PIK3C2G: variants seen among roughly 807,000 people sequenced by gnomAD.
The protein encoded by PIK3C2G is phosphatidylinositol-4-phosphate 3-kinase catalytic subunit type 2 gamma, also known as phosphatidylinositol 3-kinase C2 domain-containing subunit gamma.
Under a neutral mutation model 181.1 loss-of-function variants are expected in PIK3C2G, and 168 were observed. The observed-to-expected ratio is 0.93, with a 90% CI of 0.82 to 1.05. The LOEUF is 1.05. Ranked by LOEUF, PIK3C2G falls within the 50% of genes least tolerant of loss-of-function variation. The pLI, the probability that PIK3C2G is intolerant of heterozygous loss-of-function variation, is 0.00. For missense variants in PIK3C2G, 1,869 were observed against 1,732.8 expected, an observed-to-expected ratio of 1.08 and a Z score of -1.40; for synonymous variants, 573 against 592.2, an observed-to-expected ratio of 0.97 and a Z score of 0.47.
intron 18 of PIK3C2G, among the ~76,000 whole-genome samples, chr12:18,442,553 A>C (rs1394988950): frequency 1.3e-5 from 2 of 152,190 alleles, no homozygotes; most frequent in African/African-American, 2.4e-5. Flanking sequence ...TATTTTGAGG[A>C]GATGACAGAT....
At position 18,548,778 on chromosome 12, in the gene PIK3C2G, T is replaced by C. The variant is rs79699482; in HGVS notation, c.3590+2346T>C. On this transcript the variant is annotated intron_variant, in intron 26 of 32. Transcript: ENST00000538779. ...ATTGAAGCCTTAAAAGGCATCAAAT[T>C]ATGGAAACTAGGACACATCATTTCT... is the stretch of plus-strand genomic sequence containing the variant. Among the ~76,000 whole-genome samples, 892 of 152,160 alleles carry C rather than the reference T, an allele frequency of 5.9e-3. 2 individuals carry two copies. Among genetic ancestry groups the C allele is most frequent in the Middle Eastern group, 0.01 (3 of 294 alleles).
At chr12:18,670,249 A>C in the PIK3C2G span, among the ~76,000 whole-genome samples, 1 of 152,134 alleles carries the variant, frequency 6.6e-6, no homozygotes, top group Admixed American at 6.6e-5. Flanking sequence ...TTGTTTTATC[A>C]GATTGCTACA....
intron 26 of PIK3C2G, among the ~76,000 whole-genome samples, chr12:18,555,943 A>C (rs753249140): frequency 6.6e-6 from 1 of 152,142 alleles, no homozygotes; most frequent in Non-Finnish European, 1.5e-5. Flanking sequence ...TATTGCTGAA[A>C]TAATTGGACT....
At chr12:18,717,429 T>C in the PIK3C2G span, among the ~76,000 whole-genome samples, 1 of 152,174 alleles carries the variant, frequency 6.6e-6, no homozygotes, top group South Asian at 2.1e-4. Flanking sequence ...TTAGAAGATA[T>C]CTTTTCTATT....
At chr12:18,414,456 T>A (rs1468742940) in intron 16 of PIK3C2G, among the ~76,000 whole-genome samples, 2 of 152,144 alleles carry the variant, frequency 1.3e-5, no homozygotes, top group African/African-American at 4.8e-5. Flanking sequence ...CATATACATA[T>A]TTTAAAAATG....
chr12:18,251,372 T>G (rs1948093768), intron 1 of PIK3C2G, among the ~76,000 whole-genome samples: 1 of 152,040 alleles, frequency 6.6e-6, no homozygotes, highest in African/African-American at 2.4e-5. Flanking sequence ...AGCTTTTTTT[T>G]GTCTATTTGA....
chr12:18,569,065 C>T (rs1592607497), intron 29 of PIK3C2G, among the ~76,000 whole-genome samples: 1 of 151,992 alleles, frequency 6.6e-6, no homozygotes, highest in East Asian at 1.9e-4. Context: ...ACCTCTTGAT[C>T]CCAAGAGGGC....
intron 1 of PIK3C2G, among the ~76,000 whole-genome samples, chr12:18,252,194 G>A (rs1374537043): frequency 1.3e-5 from 2 of 152,004 alleles, no homozygotes; most frequent in African/African-American, 2.4e-5. Flanking sequence ...GGATATAACC[G>A]AAACTATAGA....
chr12:18,450,280 C>T (rs1029095761), intron 18 of PIK3C2G, among the ~76,000 whole-genome samples: 1 of 152,190 alleles, frequency 6.6e-6, no homozygotes, highest in Admixed American at 6.5e-5. Context: ...GCATGTGCCA[C>T]CACGCCTGGC....
At chr12:18,529,950 C>G (rs1031822765) in intron 24 of PIK3C2G, among the ~76,000 whole-genome samples, 1 of 152,170 alleles carries the variant, frequency 6.6e-6, no homozygotes, top group Admixed American at 6.6e-5. Flanking sequence ...CATCTGTTGT[C>G]TCTGTTCTAT....
chr12:18,634,324 C>T (rs2136750128), intron 31 of PIK3C2G, among the ~76,000 whole-genome samples: 1 of 152,310 alleles, frequency 6.6e-6, no homozygotes, highest in East Asian at 1.9e-4. Flanking sequence ...GCTTCTCCTA[C>T]AACCAAGAAA....
intron 31 of PIK3C2G, among the ~76,000 whole-genome samples, chr12:18,625,098 T>C (rs1232805447): frequency 6.6e-6 from 1 of 151,736 alleles, no homozygotes; most frequent in African/African-American, 2.4e-5. Flanking sequence ...TCTATTTCCT[T>C]GAAGCACAAC....
At chr12:18,685,863 CACACACAT>C in the PIK3C2G span, among the ~76,000 whole-genome samples, 29 of 146,048 alleles carry the variant, frequency 2.0e-4, no homozygotes, top group Non-Finnish European at 2.9e-4. Context: ...CACACACACA[CACACACAT>C]ACAATAATAT....
intron 18 of PIK3C2G, among the ~76,000 whole-genome samples, chr12:18,476,534 T>G (rs1026223423): frequency 1.3e-5 from 2 of 151,976 alleles, no homozygotes; most frequent in African/African-American, 4.8e-5. Context: ...TCACAGGTAA[T>G]GGGAAAACTG....
intron 15 of PIK3C2G, among the ~76,000 whole-genome samples, chr12:18,394,178 C>T (rs1412043163): frequency 6.6e-6 from 1 of 152,016 alleles, no homozygotes; most frequent in Non-Finnish European, 1.5e-5. Flanking sequence ...CAAAAAGATG[C>T]ACATTAGGAT....
At chr12:18,722,825 A>T in the PIK3C2G span, among the ~76,000 whole-genome samples, 1 of 152,100 alleles carries the variant, frequency 6.6e-6, no homozygotes, top group Non-Finnish European at 1.5e-5. Context: ...AGATAATTAT[A>T]TTTATAAACA....
chr12:18,376,556 C>T (rs1314019602), intron 13 of PIK3C2G, among the ~76,000 whole-genome samples: 1 of 152,124 alleles, frequency 6.6e-6, no homozygotes, highest in African/African-American at 2.4e-5. Flanking sequence ...CTTTGGGTGA[C>T]TATTGAGAAG....
At chr12:18,709,361 T>A in the PIK3C2G span, among the ~76,000 whole-genome samples, 2 of 152,150 alleles carry the variant, frequency 1.3e-5, no homozygotes, top group Non-Finnish European at 2.9e-5. Context: ...CTCTATTCTG[T>A]TCCACTGGTC....
intron 32 of PIK3C2G, among the ~76,000 whole-genome samples, chr12:18,641,743 C>CTTTTTTTTT (rs11285609): frequency 1.8e-4 from 17 of 93,162 alleles, no homozygotes; most frequent in Non-Finnish European, 1.5e-4. Flanking sequence ...CTCTCTCAAG[C>CTTTTTTTTT]TTTTTTTTTT....
Sources: gnomAD v4.1 joint callset for allele counts (sites outside exome capture counted in the v4.1 genomes callset) on GRCh38, gnomAD v4.1.1 for gene constraint, MANE v1.5 for transcripts, NCBI Gene and HGNC (gene_info 2026-07-23, HGNC 2026-07-21) for gene names.